Variants in RNF213 observed in about 807,000 individuals in gnomAD.
RNF213 encodes the protein E3 ubiquitin-protein ligase RNF213.
In RNF213, 341 loss-of-function variants were observed where a neutral mutation model predicts 514.4. The observed-to-expected ratio is 0.66, with a 90% CI of 0.61 to 0.73. The LOEUF (loss-of-function observed/expected upper bound fraction) is 0.73. Among genes scored for constraint, RNF213 ranks in the 30% least tolerant of loss-of-function variants. The pLI, the probability that RNF213 is intolerant of heterozygous loss-of-function variation, is 0.00. For missense variants in RNF213, 5,767 were observed against 6,615.6 expected (o/e 0.87, Z 4.45); for synonymous variants, 2,655 against 2,658.2 (o/e 1.00, Z 0.04).
chr17:80,278,983 C>T (rs907891991), intron 3 of RNF213: 3 of 1,518,136 alleles, frequency 2.0e-6, no homozygotes, highest in Non-Finnish European at 2.6e-6. Flanking sequence ...GCACGGCCAC[C>T]TCGCACTTCC....
chr17:80,393,526 A>G lies in RNF213; in HGVS notation c.*28A>G. On this transcript the variant is annotated 3_prime_UTR_variant, in exon 68 of 68. Transcript: ENST00000582970. The stretch of plus-strand genomic sequence containing the variant: ...TTATTTCCTCAGCTATCTTTGGATG[A>G]CTTTGGAGAGAAGACTCCTCTCTCC... 6.2e-7 allele frequency: 1 copy of G among 1,612,666 alleles called. No individual in the cohort carries two copies. Among genetic ancestry groups the G allele is most frequent in the Non-Finnish European group, 8.5e-7 (1 of 1,179,318 alleles).
intron 11 of RNF213, among the ~76,000 whole-genome samples, chr17:80,300,910 A>G (rs1023868040): frequency 5.9e-5 from 9 of 151,984 alleles, no homozygotes; most frequent in South Asian, 2.1e-4. Flanking sequence ...TTTTTTTCAT[A>G]TGCCTGTTAG....
In RNF213 at chr17:80,376,449, A is replaced by C; in HGVS notation, c.13334A>C (p.Glu4445Ala). 6.2e-7 allele frequency: 1 copy of C among 1,614,214 alleles called. No individual in the cohort carries two copies. Among genetic ancestry groups the C allele is most frequent in the East Asian group, 2.2e-5 (1 of 44,882 alleles). ...SDSNLDGTVTEMAIHAAAVLL... is the reference protein window; with the variant it reads ...SDSNLDGTVTAMAIHAAAVLL... ...AGCAACCTTGATGGAACGGTGACAG[A>C]AATGGCCATTCATGCTGCAGCCGTC... Residue 4445 changes from glutamate to alanine, a missense_variant, in exon 52 of 68, where the codon GAA becomes GCA. Transcript: ENST00000582970.
intron 36 of RNF213, among the ~76,000 whole-genome samples, chr17:80,356,276 C>T (rs560398778): frequency 1.7e-4 from 26 of 152,294 alleles, no homozygotes; most frequent in African/African-American, 5.8e-4. Flanking sequence ...TGCTGGGATT[C>T]CAGGCGTGAG....
intron 67 of RNF213, among the ~76,000 whole-genome samples, chr17:80,391,703 G>A (rs2080477947): frequency 6.6e-6 from 1 of 150,892 alleles, no homozygotes; most frequent in African/African-American, 2.4e-5. Context: ...TCCTATAAAG[G>A]GTCTCTATAC....
intron 54 of RNF213, 166 bp from the exon 55 acceptor site, chr17:80,379,454 A>C: frequency 1.4e-6 from 1 of 710,742 alleles, no homozygotes; most frequent in Non-Finnish European, 2.6e-6. Context: ...GTGAGTACCT[A>C]CCCTGTTCCC....
intron 18 of RNF213, among the ~76,000 whole-genome samples, chr17:80,327,059 CTT>C (rs945292627): frequency 6.6e-6 from 1 of 152,024 alleles, no homozygotes; most frequent in African/African-American, 2.4e-5. Flanking sequence ...CTGTTTCTCT[CTT>C]TGCATATGCT....
In RNF213 at chr17:80,363,429, T is replaced by C. The variant is rs533224435; in HGVS notation, c.11568+115T>C. 26 of 1,229,892 alleles carry C rather than the reference T, an allele frequency of 2.1e-5. No individual in the cohort carries two copies. In the South Asian group the frequency reaches 2.9e-4, roughly 14 times the overall value. The allele number at this position is 1,229,892 out of a possible 1,614,324, so 76.2% of individuals were successfully genotyped here. A position where few individuals can be genotyped will look rare whatever the true frequency, so the allele number is the denominator to read the frequency against. On this transcript the variant is annotated intron_variant, in intron 40 of 67. Transcript: ENST00000582970. The stretch of plus-strand genomic sequence containing the variant: ...GTGGGAGATTTCTTCACAAGGCACA[T>C]ACCTTAGCTGAATTCAGAGATGTTA...
chr17:80,387,539 A>G (rs1269131202), intron 63 of RNF213, among the ~76,000 whole-genome samples: 1 of 152,182 alleles, frequency 6.6e-6, no homozygotes, highest in Non-Finnish European at 1.5e-5. Context: ...TGACTGCCAA[A>G]GCCCACCCTG....
intron 50 of RNF213, 140 bp downstream of exon 50, chr17:80,374,729 C>CACA (rs2079675820): frequency 7.9e-6 from 8 of 1,012,534 alleles, no homozygotes; most frequent in Non-Finnish European, 1.2e-5. Flanking sequence ...AAGTCACGTG[C>CACA]CCACAGCCTC....
Position 80,389,374 on chromosome 17 carries a change from C to G in RNF213, c.15195+7C>G. ...GACGATTCACGTGTTAAAGGTGGGT[C>G]TCACACCGAAAAGGAAATCAGCACA... is the stretch of plus-strand genomic sequence containing the variant. On this transcript the variant is annotated splice_region_variant and intron_variant, in intron 65 of 67. Transcript: ENST00000582970. 1 of 1,613,244 alleles carries G rather than the reference C, an allele frequency of 6.2e-7. No individual in the cohort carries two copies. Among genetic ancestry groups the G allele is most frequent in the Non-Finnish European group, 8.5e-7 (1 of 1,179,318 alleles).
chr17:80,364,665 T>C, intron 42 of RNF213, 112 bp downstream of exon 42: 3 of 1,336,144 alleles, frequency 2.2e-6, no homozygotes, highest in South Asian at 1.2e-5. Context: ...TCTGACCGTT[T>C]TGTCTAGACA....
chr17:80,329,742 G>T (rs745809057), intron 20 of RNF213, among the ~76,000 whole-genome samples: 1 of 152,116 alleles, frequency 6.6e-6, no homozygotes, highest in Non-Finnish European at 1.5e-5. Context: ...GAGGCAGGAG[G>T]ATCACTTGAG....
At chr17:80,320,116 A>T (rs542617219) in intron 17 of RNF213, 1 of 610,664 alleles carries the variant, frequency 1.6e-6, no homozygotes, top group Non-Finnish European at 2.1e-6. Flanking sequence ...TCATCACCAC[A>T]GTTAATGACA....
chr17:80,388,036 T>TGCAA (rs1169519304), intron 63 of RNF213, among the ~76,000 whole-genome samples: 1 of 150,524 alleles, frequency 6.6e-6, no homozygotes, highest in African/African-American at 2.5e-5. Context: ...CTCAGCTTGC[T>TGCAA]GCAAGCTCCA....
rs1394165294 is a variant in RNF213, at chr17:80,345,904, C to G, written c.7569C>G (p.Ala2523=). 2 of 1,614,078 alleles carry G rather than the reference C, an allele frequency of 1.2e-6. No individual in the cohort carries two copies. Among genetic ancestry groups the G allele is most frequent in the East Asian group, 4.5e-5 (2 of 44,894 alleles). The part of the protein sequence containing the change: ...AEDSGLHIIA[A]CNPYRKHSEE... ...ACTCTGGCCTGCATATTATAGCTGC[C>G]TGCAATCCATACCGGAAGCACTCTG... Residue 2523 remains alanine (A), a synonymous_variant, in exon 29 of 68, where the codon GCC becomes GCG. Coordinates refer to ENST00000582970, the MANE Select transcript of RNF213 (RefSeq NM_001256071.3). This position sits in a 1 kb window ranked among gnomAD's most constrained non-coding sequence, Gnocchi z 6.0.
intron 3 of RNF213, among the ~76,000 whole-genome samples, chr17:80,282,419 G>T (rs187257442): frequency 6.6e-6 from 1 of 151,884 alleles, no homozygotes; most frequent in African/African-American, 2.4e-5. Flanking sequence ...TATTTTTTGA[G>T]ATGGAGTCTC....
At chr17:80,274,653 T>G (rs28580003) in intron 3 of RNF213, among the ~76,000 whole-genome samples, 22 of 554 alleles carry the variant, frequency 0.04, no homozygotes, top group East Asian at 0.056. Flanking sequence ...GGTGAGTGTG[T>G]GGGGTGAGTG....
chr17:80,332,358 C>A lies in RNF213; in HGVS notation c.3870C>A (p.His1290Gln). 1 of 1,537,138 alleles carries A rather than the reference C, an allele frequency of 6.5e-7. No individual in the cohort carries two copies. The highest frequency in any genetic ancestry group is 8.7e-7 in the Non-Finnish European group (1 of 1,146,908). ...QPSYRKFIKL[H>Q]QDLKSGEVTL... Reference sequence around the variant, plus strand: ...CTTACAGAAAGTTCATTAAGTTGCACCAGGATCTAAAGTCAGGAGAGGTCA... The same window carrying A: ...CTTACAGAAAGTTCATTAAGTTGCAACAGGATCTAAAGTCAGGAGAGGTCA... The change falls in exon 21 of 68, where the codon CAC becomes CAA. Residue 1290 changes from histidine (H) to glutamine (Q), a missense_variant. This residue lies in a region of RNF213 where 516 missense variants were observed against 566.5 expected (regional missense o/e 0.91). Coordinates refer to ENST00000582970, the MANE Select transcript of RNF213 (RefSeq NM_001256071.3).
Sources: allele counts gnomAD v4.1 joint callset (sites outside exome capture counted in the v4.1 genomes callset), GRCh38; gene constraint gnomAD v4.1.1; regional missense constraint gnomAD v4.1.1; non-coding constraint Gnocchi (gnomAD v3.1); transcripts MANE v1.5; gene names NCBI Gene and HGNC (gene_info 2026-07-23, HGNC 2026-07-21).